The following TSPAN9 variants were observed in gnomAD, a reference collection of about 807,000 sequenced individuals.
The protein encoded by TSPAN9 is tetraspanin-9.
TSPAN9 carries 16 observed loss-of-function variants against 31.0 expected under a neutral mutation model. The ratio of observed to expected loss-of-function variants is 0.52; its 90% confidence interval spans 0.35 to 0.78. The LOEUF (loss-of-function observed/expected upper bound fraction) is 0.78. TSPAN9 is among the 30% of genes least tolerant of loss of function. The pLI, the probability that TSPAN9 is intolerant of heterozygous loss-of-function variation, is 0.01. For synonymous variants in TSPAN9, 145 were observed against 121.6 expected, an observed-to-expected ratio of 1.19 and a Z score of -1.27; for missense variants, 272 against 312.5, an observed-to-expected ratio of 0.87 and a Z score of 0.98.
rs570981043 is a variant in TSPAN9 at position 3,280,686 on chromosome 12, A to G, written c.432+203A>G. On this transcript the variant is annotated intron_variant, in intron 6 of 8. Transcript: ENST00000011898. The surrounding 1 kb of genome is among the most constrained non-coding windows in gnomAD (Gnocchi z 4.5). ...GGTACAGCCAGGGAGGGATGAGGAT[A>G]CAGGAGGGGCAGGCCTGAGAGAGCT... 1.3e-5 allele frequency among the ~76,000 whole-genome samples: 2 copies of G among 152,324 alleles called. No individual in the cohort carries two copies. Among genetic ancestry groups the G allele is most frequent in the African/African-American group, 4.8e-5 (2 of 41,580 alleles).
intron 2 of TSPAN9, among the ~76,000 whole-genome samples, chr12:3,167,164 C>G (rs1314944761): frequency 6.6e-6 from 1 of 152,070 alleles, no homozygotes; most frequent in African/African-American, 2.4e-5. Context: ...TTCTATTTCT[C>G]AACATTAAAA....
intron 3 of TSPAN9, among the ~76,000 whole-genome samples, chr12:3,278,095 CAT>C (rs1254529248): frequency 2.0e-5 from 3 of 152,248 alleles, no homozygotes; most frequent in African/African-American, 7.2e-5. Context: ...TAACCACTCA[CAT>C]GTGTCCAGTA....
chr12:3,225,919 A>AT (rs1321380438), intron 3 of TSPAN9, among the ~76,000 whole-genome samples: 1 of 152,080 alleles, frequency 6.6e-6, no homozygotes, highest in Non-Finnish European at 1.5e-5. Flanking sequence ...ATGTGCACAC[A>AT]TTCTACCTGC....
At position 3,118,900 on chromosome 12, in the gene TSPAN9, G is replaced by C. The variant is rs535435287; in HGVS notation, c.-18+35181G>C. 2.0e-5 allele frequency among the ~76,000 whole-genome samples: 3 copies of C among 152,360 alleles called. No individual in the cohort carries two copies. In the South Asian group the frequency reaches 6.2e-4, roughly 32 times the overall value. On this transcript the variant is annotated intron_variant, in intron 2 of 8. Transcript: ENST00000011898. ...ACATGTTAAGCCTGGCACGCAGGTT[G>C]CAAAGACAGGCAGGACTTCGGTGGA...
At chr12:3,206,325 G>A (rs1369588360) in intron 3 of TSPAN9, 6 of 456,070 alleles carry the variant, frequency 1.3e-5, no homozygotes, top group South Asian at 6.2e-5. Context: ...CGCAGAGGGC[G>A]GATCAGTTTT....
At chr12:3,116,546 G>A (rs1196762639) in intron 2 of TSPAN9, among the ~76,000 whole-genome samples, 1 of 152,158 alleles carries the variant, frequency 6.6e-6, no homozygotes, top group East Asian at 1.9e-4. Flanking sequence ...GGCAGGGCTT[G>A]TGATTGTTGT....
intron 2 of TSPAN9, among the ~76,000 whole-genome samples, chr12:3,137,940 G>A (rs1013337727): frequency 6.6e-6 from 1 of 152,190 alleles, no homozygotes; most frequent in Non-Finnish European, 1.5e-5. Flanking sequence ...TTAAACAGGG[G>A]CTGCTGCTGG....
intron 2 of TSPAN9, among the ~76,000 whole-genome samples, chr12:3,161,505 A>G (rs2098345203): frequency 6.6e-6 from 1 of 152,194 alleles, no homozygotes; most frequent in African/African-American, 2.4e-5. Flanking sequence ...ATAGGATCTT[A>G]AAGGACACCT....
In TSPAN9 at chr12:3,280,536, G is replaced by A. The variant is rs71577837; in HGVS notation, c.432+53G>A. 3.2e-3 allele frequency: 4,859 copies of A among 1,526,838 alleles called. 14 individuals carry two copies. Among genetic ancestry groups the A allele is most frequent in the Non-Finnish European group, 3.6e-3 (4,052 of 1,119,400 alleles). The allele number at this position is 1,526,838 out of a possible 1,614,324, so 94.6% of individuals were successfully genotyped here. ...CAGGCAGGGAGGAGGGGTGGCGGCC[G>A]GTACTTCTAGCTGCCTTCCCCGGTG... On this transcript the variant is annotated intron_variant, in intron 6 of 8. Transcript: ENST00000011898. The surrounding 1 kb of genome is among the most constrained non-coding windows in gnomAD (Gnocchi z 4.5).
In TSPAN9 at chr12:3,172,703, C is replaced by G. The variant is rs2098352753; in HGVS notation, c.-17-28474C>G. 1 of 152,236 alleles carries G rather than the reference C, an allele frequency of 6.6e-6. No individual in the cohort carries two copies. Among genetic ancestry groups the G allele is most frequent in the Non-Finnish European group, 1.5e-5 (1 of 68,096 alleles). The allele number at this position is 152,236 out of a possible 1,614,324, so 9.4% of individuals were successfully genotyped here. ...TGCGATGGGCCAGTTCGTTGACCAGCTCTTGTACTAGATCCATCAGCAATG... is the reference window on the plus strand; with the variant it reads ...TGCGATGGGCCAGTTCGTTGACCAGGTCTTGTACTAGATCCATCAGCAATG... On this transcript the variant is annotated intron_variant, in intron 2 of 8. Transcript: ENST00000011898. The surrounding 1 kb of genome is among the most constrained non-coding windows in gnomAD (Gnocchi z 4.8).
intron 2 of TSPAN9, chr12:3,173,065 C>G (rs138291344): frequency 2.6e-5 from 4 of 152,444 alleles, no homozygotes; most frequent in Non-Finnish European, 5.9e-5. Flanking sequence ...CCACAGCTTC[C>G]TGACAAGTCT....
chr12:3,247,187 T>A (rs1197164183), intron 3 of TSPAN9, among the ~76,000 whole-genome samples: 2 of 151,756 alleles, frequency 1.3e-5, no homozygotes, highest in African/African-American at 4.8e-5. Flanking sequence ...CCCTGAGCAG[T>A]TAAGGTTATA....
At chr12:3,271,100 T>C (rs1355733521) in intron 3 of TSPAN9, among the ~76,000 whole-genome samples, 1 of 152,222 alleles carries the variant, frequency 6.6e-6, no homozygotes, top group Admixed American at 6.5e-5. Flanking sequence ...GTAATGTTTA[T>C]TTGGAGGAAA....
chr12:3,205,411 C>T (rs1204945927), intron 3 of TSPAN9, among the ~76,000 whole-genome samples: 8 of 152,320 alleles, frequency 5.3e-5, no homozygotes, highest in Admixed American at 2.0e-4. Context: ...TCAGGGCCCT[C>T]GCAGACGCTG....
intron 2 of TSPAN9, among the ~76,000 whole-genome samples, chr12:3,093,427 A>T (rs894055609): frequency 6.6e-6 from 1 of 152,174 alleles, no homozygotes; most frequent in African/African-American, 2.4e-5. Flanking sequence ...CACCCATAAA[A>T]GCTGGTGAGT....
In TSPAN9 at chr12:3,123,688, C is replaced by T. The variant is rs557847596; in HGVS notation, c.-18+39969C>T. On this transcript the variant is annotated intron_variant, in intron 2 of 8. Coordinates refer to ENST00000011898, the MANE Select transcript of TSPAN9 (RefSeq NM_006675.5). ...TTTTCTAAGGCTCCTGTCATGGTTA[C>T]TAAGAGCTTTGCATGCATTACCTAC... Among the ~76,000 whole-genome samples, 4 of 151,540 alleles carry T rather than the reference C, an allele frequency of 2.6e-5. No individual in the cohort carries two copies. The East Asian group carries it at 5.8e-4, about 22-fold the overall frequency.
intron 2 of TSPAN9, among the ~76,000 whole-genome samples, chr12:3,099,407 A>T (rs1480299250): frequency 6.6e-6 from 1 of 151,976 alleles, no homozygotes; most frequent in Non-Finnish European, 1.5e-5. Context: ...CATCATGTTG[A>T]TGTTTTCCTC....
Position 3,107,432 on chromosome 12 carries a change from C to G in TSPAN9, c.-18+23713C>G, listed in dbSNP as rs1421261117. Among the ~76,000 whole-genome samples the G allele has an allele frequency of 6.6e-6, 1 of 152,200 alleles. No individual in the cohort carries two copies. The highest frequency in any genetic ancestry group is 1.5e-5 in the Non-Finnish European group (1 of 68,042). Reference sequence around the variant, plus strand: ...ATGGGTTGACTCAGGGCCTTCGTTCCCAGTCTTTGGGCCTGGGATCTTTCT... The same window carrying G: ...ATGGGTTGACTCAGGGCCTTCGTTCGCAGTCTTTGGGCCTGGGATCTTTCT... On this transcript the variant is annotated intron_variant, in intron 2 of 8. Coordinates refer to ENST00000011898, the MANE Select transcript of TSPAN9 (RefSeq NM_006675.5). The surrounding 1 kb of genome is among the most constrained non-coding windows in gnomAD (Gnocchi z 4.1).
intron 2 of TSPAN9, among the ~76,000 whole-genome samples, chr12:3,164,423 A>G (rs2098347217): frequency 6.6e-6 from 1 of 152,196 alleles, no homozygotes; most frequent in Non-Finnish European, 1.5e-5. Context: ...GCACTCAACA[A>G]ATCATCCTTG....
Sources: gnomAD v4.1 joint callset for allele counts (sites outside exome capture counted in the v4.1 genomes callset) on GRCh38, gnomAD v4.1.1 for gene constraint, Gnocchi (gnomAD v3.1) non-coding constraint, MANE v1.5 for transcripts, NCBI Gene and HGNC (gene_info 2026-07-23, HGNC 2026-07-21) for gene names.